GAS2L3: variants seen among roughly 807,000 people sequenced by gnomAD.
The protein encoded by GAS2L3 is GAS2-like protein 3.
GAS2L3 carries 28 observed loss-of-function variants against 37.0 expected under a neutral mutation model. The ratio of observed to expected loss-of-function variants is 0.76; its 90% CI spans 0.56 to 1.04. The LOEUF (loss-of-function observed/expected upper bound fraction) is 1.04, where lower values mean the gene tolerates loss of function less well. Among genes scored for constraint, GAS2L3 ranks in the 50% least tolerant of loss-of-function variants. GAS2L3 has a pLI of 0.00. For missense variants in GAS2L3, 793 were observed against 817.6 expected (o/e 0.97, Z 0.37); for synonymous variants, 290 against 296.6 (o/e 0.98, Z 0.23).
chr12:100,622,749 TAAAAAAAAAAAAAAAAAAAAAA>T, intron 9 of GAS2L3, among the ~76,000 whole-genome samples: 1 of 26,840 alleles, frequency 3.7e-5, no homozygotes, highest in African/African-American at 1.4e-4. Flanking sequence ...GTATCCATAG[TAAAAAAAAAAAAAAAAAAAAAA>T]AAAAAAAAAA....
intron 6 of GAS2L3, among the ~76,000 whole-genome samples, chr12:100,616,357 A>G (rs746170178): frequency 6.6e-6 from 1 of 152,162 alleles, no homozygotes; most frequent in Admixed American, 6.6e-5. Flanking sequence ...TAGCTCTAAC[A>G]GTTATTTTGT....
In GAS2L3 at chr12:100,628,092, T is replaced by C. The variant is rs1367409637; in HGVS notation, c.*3202T>C. The C allele has an allele frequency of 2.6e-5, 4 of 152,214 alleles. No individual in the cohort carries two copies. Among genetic ancestry groups the C allele is most frequent in the Non-Finnish European group, 1.5e-5 (1 of 68,022 alleles). The allele number at this position is 152,214 out of a possible 1,614,324, so 9.4% of individuals were successfully genotyped here. A position where few individuals can be genotyped will look rare whatever the true frequency, so the allele number is the denominator to read the frequency against. ...AGTTACTGTTTTTCTTCAGTCTTTT[T>C]ATATCTATCTGATTTAAAATCTGTT... On this transcript the variant is annotated 3_prime_UTR_variant, in exon 10 of 10. Transcript: ENST00000547754.
At chr12:100,586,021 C>G (rs975124303) in intron 1 of GAS2L3, among the ~76,000 whole-genome samples, 1 of 152,194 alleles carries the variant, frequency 6.6e-6, no homozygotes, top group African/African-American at 2.4e-5. Context: ...TCCACCCTTT[C>G]TCTCTCTTCC....
In GAS2L3 at chr12:100,618,456, G is replaced by C. The variant is rs1453423537; in HGVS notation, c.517G>C (p.Val173Leu). The part of the protein sequence containing the change: ...EIGRIVSRYG[V>L]EPPVLVKLEK... ...CTCCTGGTTGGTTTTCAGATACGGG[G>C]TTGAGCCACCAGTGTTAGTAAAACT... Residue 173 changes from valine (V) to leucine (L), a missense_variant, in exon 8 of 10, where the codon GTT (valine) becomes CTT (leucine). Transcript: ENST00000547754. 1.2e-6 allele frequency: 2 copies of C among 1,608,468 alleles called. No individual in the cohort carries two copies. The highest frequency in any genetic ancestry group is 4.5e-5 in the East Asian group (2 of 44,540).
rs772811009 is a variant in GAS2L3, at chr12:100,624,689, A to G, written c.1884A>G (p.Ala628=). Residue 628 remains alanine (A), a synonymous_variant, in exon 10 of 10, where the codon GCA becomes GCG. Coordinates refer to ENST00000547754, the MANE Select transcript of GAS2L3 (RefSeq NM_174942.3). Reference sequence around the variant, plus strand: ...AGTCTTCTACCAAAACACAAACTGCACCGAAGTCAGCACAGACTGTCGCTA... The same window carrying G: ...AGTCTTCTACCAAAACACAAACTGCGCCGAAGTCAGCACAGACTGTCGCTA... The part of the protein sequence containing the change: ...LPQSSTKTQT[A]PKSAQTVAKS... 1.2e-6 allele frequency: 2 copies of G among 1,614,108 alleles called. No individual in the cohort carries two copies. Among genetic ancestry groups the G allele is most frequent in the African/African-American group, 1.3e-5 (1 of 75,028 alleles).
intron 2 of GAS2L3, chr12:100,592,420 C>T (rs1192235048): frequency 6.6e-6 from 1 of 152,052 alleles, no homozygotes; most frequent in African/African-American, 2.4e-5. Context: ...CCCCATCATA[C>T]CGTATAACGT....
intron 1 of GAS2L3, among the ~76,000 whole-genome samples, chr12:100,585,029 C>T (rs1377881679): frequency 2.0e-5 from 3 of 148,906 alleles, no homozygotes; most frequent in African/African-American, 7.5e-5. Context: ...GCTGGGACTA[C>T]AGGCACCCGC....
chr12:100,627,276 G>GT lies in GAS2L3; in HGVS notation c.*2393dup, dbSNP rs953322543. The stretch of plus-strand genomic sequence containing the variant: ...TTTTAATGTTGTTTTGTTTTGTTTT[G>GT]TTTTTTTCCTTTTTTGAGACGGAGT... On this transcript the variant is annotated 3_prime_UTR_variant, in exon 10 of 10. Transcript: ENST00000547754. Among the ~76,000 whole-genome samples, 1 of 151,058 alleles carries GT rather than the reference G, an allele frequency of 6.6e-6. No individual in the cohort carries two copies. Among genetic ancestry groups the GT allele is most frequent in the African/African-American group, 2.4e-5 (1 of 41,080 alleles).
chr12:100,623,582 C>T lies in GAS2L3; in HGVS notation c.777C>T (p.Val259=). The T allele has an allele frequency of 6.2e-7, 1 of 1,602,950 alleles. No individual in the cohort carries two copies. The highest frequency in any genetic ancestry group is 1.1e-5 in the South Asian group (1 of 89,758). The change falls in exon 10 of 10, where the codon GTC becomes GTT. Residue 259 remains valine, a synonymous_variant. Transcript: ENST00000547754. ...LFIRMLHGKH[V]MVRVGGGWDT... is the part of the protein sequence containing the mutation. ...GGCAGATGCTTCATGGAAAACATGT[C>T]ATGGTTCGCGTTGGTGGAGGCTGGG... is the stretch of plus-strand genomic sequence containing the variant.
chr12:100,614,086 T>C (rs1956158750), intron 6 of GAS2L3, among the ~76,000 whole-genome samples: 1 of 152,204 alleles, frequency 6.6e-6, no homozygotes, highest in Admixed American at 6.5e-5. Flanking sequence ...TAAAAATTGT[T>C]TTAAGGATCT....
At chr12:100,574,868 T>A (rs935453344) in intron 1 of GAS2L3, among the ~76,000 whole-genome samples, 1 of 152,250 alleles carries the variant, frequency 6.6e-6, no homozygotes, top group Non-Finnish European at 1.5e-5. Context: ...TCTAGTGATC[T>A]GGTGTAGATG....
intron 5 of GAS2L3, among the ~76,000 whole-genome samples, chr12:100,602,254 A>G (rs567202244): frequency 7.9e-5 from 12 of 152,076 alleles, no homozygotes; most frequent in Non-Finnish European, 1.6e-4. Flanking sequence ...AATTTTATAA[A>G]TATTGATTGG....
chr12:100,618,826 A>G lies in GAS2L3; in HGVS notation c.648+239A>G, dbSNP rs1956219931. ...AGTTGAGGAGTGGTGGGGCAAACAGATTGGAACTCATCATGAAGAGAACTA... is the reference window on the plus strand; with the variant it reads ...AGTTGAGGAGTGGTGGGGCAAACAGGTTGGAACTCATCATGAAGAGAACTA... On this transcript the variant is annotated intron_variant, in intron 8 of 9. Coordinates refer to ENST00000547754, the MANE Select transcript of GAS2L3 (RefSeq NM_174942.3). 9.6e-6 allele frequency: 4 copies of G among 417,164 alleles called. No individual in the cohort carries two copies. In the South Asian group the frequency reaches 2.0e-4, roughly 20 times the overall value. 25.8% of individuals were successfully genotyped at this position (417,164 alleles called of 1,614,324 possible). A position where few individuals can be genotyped will look rare whatever the true frequency, so the allele number is the denominator to read the frequency against.
At chr12:100,613,563 C>T (rs1331806379) in intron 6 of GAS2L3, among the ~76,000 whole-genome samples, 1 of 150,874 alleles carries the variant, frequency 6.6e-6, no homozygotes, top group African/African-American at 2.4e-5. Context: ...ATAATAGATG[C>T]TATTCATAAA....
chr12:100,594,496 A>G (rs962553989), intron 2 of GAS2L3, among the ~76,000 whole-genome samples: 7 of 152,044 alleles, frequency 4.6e-5, no homozygotes, highest in Admixed American at 3.9e-4. Flanking sequence ...TTGACTTTCA[A>G]TATCAGTTGT....
chr12:100,584,439 C>A (rs901304276), intron 1 of GAS2L3, among the ~76,000 whole-genome samples: 1 of 152,174 alleles, frequency 6.6e-6, no homozygotes, highest in Non-Finnish European at 1.5e-5. Context: ...CTTCCTTTTC[C>A]ATTTCCCTCA....
intron 6 of GAS2L3, 133 bp downstream of exon 6, chr12:100,612,274 A>G: frequency 1.4e-6 from 1 of 706,556 alleles, no homozygotes; most frequent in Non-Finnish European, 2.5e-6. Context: ...TATACTTTGA[A>G]TATATGTAGA....
At chr12:100,603,452 A>G (rs1266699751) in intron 5 of GAS2L3, among the ~76,000 whole-genome samples, 1 of 152,172 alleles carries the variant, frequency 6.6e-6, no homozygotes, top group African/African-American at 2.4e-5. Flanking sequence ...AGAAATGTCT[A>G]TTCAAATCTT....
In GAS2L3 at chr12:100,624,107, A is replaced by G. The variant is rs1956297796; in HGVS notation, c.1302A>G (p.Lys434=). ...TAPCISESPR[K]CISSPNTPKA... ...CTTGTATATCTGAGTCACCGAGAAA[A>G]TGTATTTCATCCCCCAATACCCCCA... The change falls in exon 10 of 10, where the codon AAA becomes AAG. Residue 434 remains lysine (K), a synonymous_variant. Transcript: ENST00000547754. 3 of 1,614,038 alleles carry G rather than the reference A, an allele frequency of 1.9e-6. No individual in the cohort carries two copies. The East Asian group carries it at 6.7e-5, about 36-fold the overall frequency.
Sources: allele counts gnomAD v4.1 joint callset (sites outside exome capture counted in the v4.1 genomes callset), GRCh38; gene constraint gnomAD v4.1.1; transcripts MANE v1.5; gene names NCBI Gene and HGNC (gene_info 2026-07-23, HGNC 2026-07-21).